Variants in SUGT1 observed in about 807,000 individuals in gnomAD.
SUGT1 encodes protein SGT1 homolog.
Under a neutral mutation model 56.1 loss-of-function variants are expected in SUGT1, and 15 were observed. The ratio of observed to expected loss-of-function variants is 0.27; its 90% CI spans 0.18 to 0.41. SUGT1 has a LOEUF of 0.41. Ranked by LOEUF, SUGT1 falls within the 10% of genes least tolerant of loss-of-function variation. The pLI is 1.00. For synonymous variants in SUGT1, 123 were observed against 128.6 expected (o/e 0.96, Z 0.30); for missense variants, 347 against 382.2 (o/e 0.91, Z 0.77).
intron 12 of SUGT1, among the ~76,000 whole-genome samples, chr13:52,685,763 T>A (rs1963561236): frequency 1.3e-5 from 2 of 152,208 alleles, no homozygotes; most frequent in South Asian, 4.1e-4. Context: ...AATCTCCTTA[T>A]CTAATTGGGA....
At chr13:52,682,596 C>T (rs901223319) in intron 12 of SUGT1, among the ~76,000 whole-genome samples, 4 of 152,152 alleles carry the variant, frequency 2.6e-5, no homozygotes, top group African/African-American at 9.7e-5. Context: ...ATAGTATGTT[C>T]GGGTGTTCTG....
intron 10 of SUGT1, among the ~76,000 whole-genome samples, chr13:52,671,990 G>T (rs1962965301): frequency 6.6e-6 from 1 of 152,082 alleles, no homozygotes; most frequent in African/African-American, 2.4e-5. Flanking sequence ...TTTTAATAGG[G>T]TGATTCCGTT....
intron 12 of SUGT1, chr13:52,687,284 A>G (rs1963633293): frequency 6.6e-6 from 1 of 152,172 alleles, no homozygotes. Context: ...AAGAGAGCAC[A>G]AAGTAGAGGC....
chr13:52,671,597 A>G (rs1042267830), intron 10 of SUGT1, among the ~76,000 whole-genome samples: 1 of 152,164 alleles, frequency 6.6e-6, no homozygotes, highest in Non-Finnish European at 1.5e-5. Context: ...TAACCCAGAG[A>G]TGTTCAATAA....
intron 10 of SUGT1, among the ~76,000 whole-genome samples, chr13:52,673,724 T>G (rs1963031193): frequency 6.6e-6 from 1 of 152,230 alleles, no homozygotes; most frequent in African/African-American, 2.4e-5. Context: ...TGGCCAAGTT[T>G]AATGTGGTGA....
intron 12 of SUGT1, 96 bp from the exon 13 acceptor site, chr13:52,687,638 C>T: frequency 2.5e-6 from 2 of 808,518 alleles, no homozygotes; most frequent in Non-Finnish European, 3.7e-6. Flanking sequence ...ATATAATAGC[C>T]AATATTTGGG....
At chr13:52,666,580 A>C (rs1057487781) in intron 9 of SUGT1, among the ~76,000 whole-genome samples, 6 of 152,174 alleles carry the variant, frequency 3.9e-5, no homozygotes, top group Non-Finnish European at 1.5e-5. Context: ...TATGAAACTT[A>C]TTCTTTTCTG....
At chr13:52,663,011 A>G (rs1962537341) in intron 6 of SUGT1, 85 bp from the exon 7 acceptor site, 2 of 1,447,194 alleles carry the variant, frequency 1.4e-6, no homozygotes, top group Non-Finnish European at 9.5e-7. Flanking sequence ...CTTAATCAGT[A>G]TGTTTGTGCT....
At chr13:52,653,206 A>G (rs1961995495) in intron 2 of SUGT1, 103 bp downstream of exon 2, 3 of 1,410,946 alleles carry the variant, frequency 2.1e-6, no homozygotes, top group Non-Finnish European at 2.9e-6. Context: ...ACAGGGACCC[A>G]GGCTCTTGTT....
intron 10 of SUGT1, among the ~76,000 whole-genome samples, chr13:52,669,928 G>A (rs1416585073): frequency 6.6e-6 from 1 of 152,186 alleles, no homozygotes; most frequent in Non-Finnish European, 1.5e-5. Flanking sequence ...ACACTTAAGA[G>A]ACAACAGTAC....
intron 5 of SUGT1, 69 bp downstream of exon 5, chr13:52,659,318 G>A (rs1050640446): frequency 2.0e-6 from 2 of 994,384 alleles, no homozygotes; most frequent in Non-Finnish European, 2.8e-6. Context: ...CTGAATTTTG[G>A]TAATGTTAAT....
Position 52,697,724 on chromosome 13 carries a change from G to A in SUGT1, c.*9889G>A, listed in dbSNP as rs1037187985. ...TCTTTGAGTGAGCCTTTACTTTAAGGTATGTAGTAGAATAATATAGGTATC... is the reference window on the plus strand; with the variant it reads ...TCTTTGAGTGAGCCTTTACTTTAAGATATGTAGTAGAATAATATAGGTATC... On this transcript the variant is annotated 3_prime_UTR_variant, in exon 13 of 13. Coordinates refer to ENST00000310528, the MANE Select transcript of SUGT1 (RefSeq NM_006704.5). 1 of 152,140 alleles carries A rather than the reference G, an allele frequency of 6.6e-6. No individual in the cohort carries two copies. 9.4% of individuals were successfully genotyped at this position (152,140 alleles called of 1,614,324 possible).
intron 12 of SUGT1, among the ~76,000 whole-genome samples, chr13:52,685,568 C>G (rs1242929884): frequency 3.3e-5 from 5 of 150,534 alleles, no homozygotes; most frequent in Non-Finnish European, 7.5e-5. Context: ...TCAAAGATGT[C>G]AAGTCAAGTC....
rs548134295 is a variant in SUGT1, at chr13:52,680,061, A to G, written c.806A>G (p.Glu269Gly). The change falls in exon 12 of 13, where the codon GAA becomes GGA. Residue 269 changes from glutamate to glycine, a missense_variant. Physicochemically the swap from Glu to Gly is moderately conservative, Grantham distance 98. Transcript: ENST00000310528. ...VGEIKEEEKN[E>G]KLEGDAALNR... ...GAGATCAAAGAAGAAGAAAAGAATG[A>G]AAAGTTGGAGGGAGATGCAGCTTTA... 2 of 1,599,172 alleles carry G rather than the reference A, an allele frequency of 1.3e-6. No individual in the cohort carries two copies. The highest frequency in any genetic ancestry group is 8.5e-7 in the Non-Finnish European group (1 of 1,176,288).
At chr13:52,676,390 A>G (rs1046807043) in intron 11 of SUGT1, 70 bp downstream of exon 11, 6 of 1,256,380 alleles carry the variant, frequency 4.8e-6, no homozygotes, top group Non-Finnish European at 6.6e-6. Context: ...ATAGTAATGA[A>G]CATTCTTTTT....
intron 12 of SUGT1, among the ~76,000 whole-genome samples, chr13:52,681,354 G>A (rs1963366459): frequency 6.6e-6 from 1 of 151,288 alleles, no homozygotes; most frequent in African/African-American, 2.4e-5. Context: ...GGTGGTCAAG[G>A]TTGCAGTGAG....
rs1253561659 is a variant in SUGT1 at position 52,700,453 on chromosome 13, C to T, written c.*12618C>T. 1 of 152,130 alleles carries T rather than the reference C, an allele frequency of 6.6e-6. No homozygotes were observed. Among genetic ancestry groups the T allele is most frequent in the Non-Finnish European group, 1.5e-5 (1 of 68,010 alleles). The allele number at this position is 152,130 out of a possible 1,614,324, so 9.4% of individuals were successfully genotyped here. Reference sequence around the variant, plus strand: ...ACCTGTAGTGAGTTCTTCAGTCAGTCAACACTAAACCTGTTTTGTAAATTT... The same window carrying T: ...ACCTGTAGTGAGTTCTTCAGTCAGTTAACACTAAACCTGTTTTGTAAATTT... On this transcript the variant is annotated 3_prime_UTR_variant, in exon 13 of 13. Coordinates refer to ENST00000310528, the MANE Select transcript of SUGT1 (RefSeq NM_006704.5).
At position 52,695,853 on chromosome 13, in the gene SUGT1, C is replaced by T. The variant is rs1025604976; in HGVS notation, c.*8018C>T. The T allele has an allele frequency of 7.9e-5, 12 of 152,144 alleles. No homozygotes were observed. Among genetic ancestry groups the T allele is most frequent in the South Asian group, 6.2e-4 (3 of 4,830 alleles). 9.4% of individuals were successfully genotyped at this position (152,144 alleles called of 1,614,324 possible). On this transcript the variant is annotated 3_prime_UTR_variant, in exon 13 of 13. Coordinates refer to ENST00000310528, the MANE Select transcript of SUGT1 (RefSeq NM_006704.5). ...CGTGTATTTTCATTCCTTTTTCTGC[C>T]CCTCCTGGGCATCTCCAGTTTCCTA...
intron 10 of SUGT1, among the ~76,000 whole-genome samples, chr13:52,669,074 A>G (rs1198178859): frequency 6.6e-6 from 1 of 152,116 alleles, no homozygotes; most frequent in African/African-American, 2.4e-5. Flanking sequence ...CTTCAACCAT[A>G]CTACTATGTT....
Sources: gnomAD v4.1 joint callset for allele counts (sites outside exome capture counted in the v4.1 genomes callset) on GRCh38, gnomAD v4.1.1 for gene constraint, MANE v1.5 for transcripts, NCBI Gene and HGNC (gene_info 2026-07-23, HGNC 2026-07-21) for gene names.